Variants in PTPRT observed in about 807,000 individuals in gnomAD.
PTPRT encodes the protein protein tyrosine phosphatase receptor type T.
PTPRT carries 56 observed loss-of-function variants against 176.8 expected under a neutral mutation model. The observed-to-expected ratio is 0.32, with a 90% CI of 0.26 to 0.40. The LOEUF (loss-of-function observed/expected upper bound fraction) is 0.40, where lower values mean the gene tolerates loss of function less well. Ranked by LOEUF, PTPRT falls within the 10% of genes least tolerant of loss-of-function variation. PTPRT has a pLI of 1.00. For synonymous variants in PTPRT, 783 were observed against 739.0 expected (o/e 1.06, Z -0.96); for missense variants, 1,540 against 1,908.2 (o/e 0.81, Z 3.60).
At chr20:42,513,182 A>G (rs2071989662) in intron 7 of PTPRT, among the ~76,000 whole-genome samples, 1 of 146,410 alleles carries the variant, frequency 6.8e-6, no homozygotes, top group Admixed American at 6.9e-5. Context: ...TGTGTTTTTC[A>G]TATGTTCTCT....
intron 2 of PTPRT, among the ~76,000 whole-genome samples, chr20:42,806,278 G>A (rs2145602184): frequency 6.6e-6 from 1 of 152,226 alleles, no homozygotes; most frequent in African/African-American, 2.4e-5. Context: ...GAGGTCAGGA[G>A]ATCAAGACTA....
chr20:42,466,379 A>G (rs2071102362), intron 8 of PTPRT, among the ~76,000 whole-genome samples: 1 of 152,232 alleles, frequency 6.6e-6, no homozygotes, highest in Admixed American at 6.5e-5. Context: ...TTAAATGGAA[A>G]CAAATGAACA....
At chr20:42,564,426 A>G (rs1389705608) in intron 7 of PTPRT, among the ~76,000 whole-genome samples, 1 of 152,216 alleles carries the variant, frequency 6.6e-6, no homozygotes, top group African/African-American at 2.4e-5. Context: ...TGAAGAAAAA[A>G]CAATTAGAAA....
intron 12 of PTPRT, among the ~76,000 whole-genome samples, chr20:42,290,556 C>T (rs2057301682): frequency 6.6e-6 from 1 of 152,122 alleles, no homozygotes; most frequent in South Asian, 2.1e-4. Context: ...AATGCTGCGT[C>T]TGGTTTTAGC....
intron 16 of PTPRT, among the ~76,000 whole-genome samples, chr20:42,178,000 T>C (rs2146573498): frequency 1.3e-5 from 2 of 152,096 alleles, no homozygotes; most frequent in South Asian, 4.2e-4. Flanking sequence ...TGCAGTGGCA[T>C]GATCTTGGCT....
intron 1 of PTPRT, among the ~76,000 whole-genome samples, chr20:43,157,159 C>G (rs1270769433): frequency 1.3e-5 from 2 of 150,800 alleles, no homozygotes; most frequent in African/African-American, 4.9e-5. Flanking sequence ...TGAGACCAGG[C>G]TGGGCAACAT....
chr20:42,421,694 G>C (rs1487350882), intron 9 of PTPRT, among the ~76,000 whole-genome samples: 2 of 152,074 alleles, frequency 1.3e-5, no homozygotes, highest in African/African-American at 4.8e-5. Flanking sequence ...CAAGAAACTA[G>C]AGAAGAATAT....
At chr20:42,208,982 A>G (rs1030649911) in intron 15 of PTPRT, among the ~76,000 whole-genome samples, 1 of 152,230 alleles carries the variant, frequency 6.6e-6, no homozygotes, top group Admixed American at 6.5e-5. Flanking sequence ...AGAACTCAGG[A>G]TTAAGAATCT....
intron 1 of PTPRT, among the ~76,000 whole-genome samples, chr20:43,097,755 G>A (rs887890026): frequency 6.6e-6 from 1 of 152,130 alleles, no homozygotes. Flanking sequence ...AGACACCTAA[G>A]CCCAGAGGGC....
At chr20:42,609,719 G>C (rs969063720) in intron 7 of PTPRT, among the ~76,000 whole-genome samples, 5 of 152,182 alleles carry the variant, frequency 3.3e-5, no homozygotes, top group Non-Finnish European at 7.3e-5. Context: ...AAGGAACAGG[G>C]CGGCCCAGGG....
At chr20:43,051,473 T>C (rs1216248266) in intron 1 of PTPRT, among the ~76,000 whole-genome samples, 2 of 151,956 alleles carry the variant, frequency 1.3e-5, no homozygotes, top group Admixed American at 6.6e-5. Flanking sequence ...CCATAAAATG[T>C]TCTTAAACAA....
At chr20:42,542,064 G>A (rs939177766) in intron 7 of PTPRT, among the ~76,000 whole-genome samples, 9 of 152,046 alleles carry the variant, frequency 5.9e-5, no homozygotes, top group African/African-American at 2.2e-4. Context: ...TTTTATAAAG[G>A]GGCAGTTCCC....
chr20:42,920,334 T>C (rs950763165), intron 1 of PTPRT, among the ~76,000 whole-genome samples: 4 of 152,122 alleles, frequency 2.6e-5, no homozygotes, highest in African/African-American at 9.7e-5. Flanking sequence ...TATAAAGTTA[T>C]AGAGACTGAA....
intron 7 of PTPRT, among the ~76,000 whole-genome samples, chr20:42,670,996 A>G (rs1456459701): frequency 1.3e-5 from 2 of 152,144 alleles, no homozygotes; most frequent in South Asian, 2.1e-4. Flanking sequence ...AGCTTCTTCT[A>G]TCTAATGCTA....
intron 7 of PTPRT, among the ~76,000 whole-genome samples, chr20:42,581,685 C>G (rs1242399262): frequency 6.6e-6 from 1 of 152,084 alleles, no homozygotes; most frequent in Non-Finnish European, 1.5e-5. Context: ...GGAAATAAAA[C>G]ATGGAATGAG....
At chr20:43,127,784 G>A (rs1198158827) in intron 1 of PTPRT, among the ~76,000 whole-genome samples, 2 of 152,194 alleles carry the variant, frequency 1.3e-5, no homozygotes, top group Non-Finnish European at 2.9e-5. Flanking sequence ...AAGAAAAGTA[G>A]GAGGGTATAG....
chr20:42,362,137 A>C (rs1223226277), intron 9 of PTPRT, among the ~76,000 whole-genome samples: 1 of 152,134 alleles, frequency 6.6e-6, no homozygotes, highest in Non-Finnish European at 1.5e-5. Context: ...ATGGTGGTGC[A>C]TGCCTGTAGT....
At chr20:43,084,480 T>C (rs563110408) in intron 1 of PTPRT, among the ~76,000 whole-genome samples, 25 of 152,218 alleles carry the variant, frequency 1.6e-4, no homozygotes, top group African/African-American at 5.8e-4. Context: ...TTTTAAAGCA[T>C]CAGATCTCAT....
chr20:42,537,294 A>G (rs961852070), intron 7 of PTPRT, among the ~76,000 whole-genome samples: 1 of 152,182 alleles, frequency 6.6e-6, no homozygotes, highest in African/African-American at 2.4e-5. Flanking sequence ...GTATTACCTG[A>G]TGTTATAAAT....
Sources: allele counts gnomAD v4.1 joint callset (sites outside exome capture counted in the v4.1 genomes callset), GRCh38; gene constraint gnomAD v4.1.1; transcripts MANE v1.5; gene names NCBI Gene and HGNC (gene_info 2026-07-23, HGNC 2026-07-21).